The following CFAP299 variants were observed in gnomAD, a reference collection of about 807,000 sequenced individuals.
The protein encoded by CFAP299 is cilia- and flagella-associated protein 299.
Under a neutral mutation model 27.0 loss-of-function variants are expected in CFAP299, and 21 were observed. The ratio of observed to expected loss-of-function variants is 0.78; its 90% CI spans 0.55 to 1.12. The LOEUF is 1.12. CFAP299 is among the 50% of genes most tolerant of loss of function. The probability of loss-of-function intolerance (pLI) is 0.00; values close to 1 mark genes in which losing one functional copy is unlikely to be tolerated. For synonymous variants in CFAP299, 104 were observed against 98.1 expected (o/e 1.06, Z -0.36); for missense variants, 310 against 276.6 (o/e 1.12, Z -0.86).
intron 2 of CFAP299, among the ~76,000 whole-genome samples, chr4:80,499,783 TA>T (rs1447243804): frequency 6.6e-6 from 1 of 152,106 alleles, no homozygotes; most frequent in Non-Finnish European, 1.5e-5. Context: ...TTTCCTAGGA[TA>T]AGCACTGAGC....
chr4:80,482,642 A>T (rs1730623753), intron 2 of CFAP299, among the ~76,000 whole-genome samples: 1 of 152,222 alleles, frequency 6.6e-6, no homozygotes, highest in Admixed American at 6.5e-5. Context: ...GTATTGGAGG[A>T]CTTACTATAC....
At chr4:80,511,931 G>T (rs1732324226) in intron 2 of CFAP299, among the ~76,000 whole-genome samples, 1 of 152,072 alleles carries the variant, frequency 6.6e-6, no homozygotes, top group Admixed American at 6.6e-5. Flanking sequence ...AATACTGAGA[G>T]ATTCTTAGAG....
intron 3 of CFAP299, among the ~76,000 whole-genome samples, chr4:80,861,569 C>G (rs1732366105): frequency 1.3e-5 from 2 of 152,228 alleles, no homozygotes; most frequent in African/African-American, 4.8e-5. Context: ...CTCCAATCAT[C>G]TTATTCTTAA....
At chr4:80,646,988 A>AGTGTGT (rs1187314742) in intron 3 of CFAP299, among the ~76,000 whole-genome samples, 23 of 31,116 alleles carry the variant, frequency 7.4e-4, no homozygotes, top group African/African-American at 1.3e-3. Flanking sequence ...AGAGAGAGAG[A>AGTGTGT]GTGTGTGTGT....
chr4:80,577,900 T>A (rs892855771), intron 2 of CFAP299, among the ~76,000 whole-genome samples: 7 of 152,206 alleles, frequency 4.6e-5, no homozygotes, highest in African/African-American at 1.7e-4. Flanking sequence ...ATTCATTCGT[T>A]TTGAGTGTTA....
At chr4:80,693,717 A>G (rs1720906259) in intron 3 of CFAP299, among the ~76,000 whole-genome samples, 1 of 151,868 alleles carries the variant, frequency 6.6e-6, no homozygotes, top group South Asian at 2.1e-4. Flanking sequence ...AAAAAGAAAG[A>G]ACTGGCATTC....
intron 5 of CFAP299, among the ~76,000 whole-genome samples, chr4:80,949,570 T>TAA (rs138939901): frequency 2.2e-5 from 3 of 135,310 alleles, no homozygotes; most frequent in African/African-American, 8.3e-5. Flanking sequence ...AGCAGGATCA[T>TAA]AAAAAAAAAA....
rs72659892 is a variant in CFAP299 at position 80,620,991 on chromosome 4, G to T, written c.333+37808G>T. On this transcript the variant is annotated intron_variant, in intron 3 of 5. Transcript: ENST00000358105. ...TCTGTGGTTGCTACTTCCAAGTTCC[G>T]CACTTACCTAACAGCCTATCTTTTT... is the stretch of plus-strand genomic sequence containing the variant. Among the ~76,000 whole-genome samples the T allele has an allele frequency of 5.1e-3, 772 of 152,018 alleles. 5 individuals are homozygous for T. Among genetic ancestry groups the T allele is most frequent in the Middle Eastern group, 0.02 (6 of 294 alleles).
At chr4:80,789,562 A>G (rs1170919422) in intron 3 of CFAP299, among the ~76,000 whole-genome samples, 9 of 152,076 alleles carry the variant, frequency 5.9e-5, no homozygotes, top group African/African-American at 2.2e-4. Context: ...TAAGTGTTCA[A>G]TTACTTTCAC....
intron 3 of CFAP299, among the ~76,000 whole-genome samples, chr4:80,732,487 G>A (rs1291534213): frequency 6.6e-6 from 1 of 152,084 alleles, no homozygotes; most frequent in Non-Finnish European, 1.5e-5. Flanking sequence ...AACAGCAACT[G>A]GAGAGAAATT....
At chr4:80,756,717 G>A (rs1725257861) in intron 3 of CFAP299, among the ~76,000 whole-genome samples, 1 of 152,070 alleles carries the variant, frequency 6.6e-6, no homozygotes, top group African/African-American at 2.4e-5. Flanking sequence ...GAGTTGAGTA[G>A]TTGGTTGTCA....
At chr4:80,394,757 G>C (rs1725686094) in intron 2 of CFAP299, among the ~76,000 whole-genome samples, 1 of 151,892 alleles carries the variant, frequency 6.6e-6, no homozygotes, top group Non-Finnish European at 1.5e-5. Flanking sequence ...TTTTTTCTGG[G>C]CTTTCTGTTC....
intron 3 of CFAP299, among the ~76,000 whole-genome samples, chr4:80,782,504 T>C (rs59290732): frequency 6.8e-6 from 1 of 146,352 alleles, no homozygotes. Context: ...CAATATATAT[T>C]AATATATAAC....
At chr4:80,434,113 T>A (rs1187747012) in intron 2 of CFAP299, among the ~76,000 whole-genome samples, 3 of 152,224 alleles carry the variant, frequency 2.0e-5, no homozygotes, top group East Asian at 3.9e-4. Flanking sequence ...TTTTAGATGT[T>A]AAAAATATTC....
chr4:80,390,723 A>G (rs1175840163), intron 2 of CFAP299, among the ~76,000 whole-genome samples: 3 of 118,596 alleles, frequency 2.5e-5, no homozygotes, highest in South Asian at 3.1e-4. Flanking sequence ...ATACACACAT[A>G]CATGTATATA....
At chr4:80,477,163 A>G (rs1730324831) in intron 2 of CFAP299, among the ~76,000 whole-genome samples, 1 of 152,054 alleles carries the variant, frequency 6.6e-6, no homozygotes, top group African/African-American at 2.4e-5. Context: ...CCCAAGCTCA[A>G]GCGATTCTCC....
intron 3 of CFAP299, among the ~76,000 whole-genome samples, chr4:80,770,141 G>A (rs1726127502): frequency 6.6e-6 from 1 of 152,124 alleles, no homozygotes; most frequent in Non-Finnish European, 1.5e-5. Context: ...CAGCATTTCA[G>A]CTAATATAAT....
intron 4 of CFAP299, among the ~76,000 whole-genome samples, chr4:80,881,441 G>A (rs761890844): frequency 2.6e-5 from 4 of 152,126 alleles, no homozygotes; most frequent in South Asian, 2.1e-4. Context: ...GACAAACATC[G>A]TCTTATAGCT....
At chr4:80,368,168 A>T (rs946705108) in intron 2 of CFAP299, among the ~76,000 whole-genome samples, 4 of 152,196 alleles carry the variant, frequency 2.6e-5, no homozygotes, top group African/African-American at 9.6e-5. Context: ...CTGTCATTGT[A>T]CTGGTTAGCT....
Sources: allele counts gnomAD v4.1 joint callset (sites outside exome capture counted in the v4.1 genomes callset), GRCh38; gene constraint gnomAD v4.1.1; transcripts MANE v1.5; gene names NCBI Gene and HGNC (gene_info 2026-07-23, HGNC 2026-07-21).